Variants in POPDC1 observed in about 807,000 individuals in gnomAD.
POPDC1 encodes the protein popeye domain-containing protein 1.
At chr6:105,115,970 T>C in the POPDC1 span, 2 of 614,682 alleles carry the variant, frequency 3.3e-6, no homozygotes, top group South Asian at 4.2e-5. Context: ...CCAATAAACA[T>C]AAGCTATGAT....
the POPDC1 span, among the ~76,000 whole-genome samples, chr6:105,118,750 TA>T: frequency 6.6e-6 from 1 of 152,188 alleles, no homozygotes; most frequent in East Asian, 1.9e-4. Context: ...GGTGCTTTCA[TA>T]TCTATCATGT....
the POPDC1 span, among the ~76,000 whole-genome samples, chr6:105,105,754 C>CTGAT: frequency 2.0e-5 from 3 of 152,038 alleles, no homozygotes; most frequent in African/African-American, 7.2e-5. Context: ...ATTTTACGTA[C>CTGAT]TGATAGATAT....
At chr6:105,116,851 A>G in the POPDC1 span, 4 of 1,612,318 alleles carry the variant, frequency 2.5e-6, 1 homozygote, top group South Asian at 4.4e-5. Context: ...TGCAGTTATC[A>G]TCTGCAATAA....
At chr6:105,133,634 G>GT in the POPDC1 span, 5 of 1,378,342 alleles carry the variant, frequency 3.6e-6, no homozygotes, top group African/African-American at 7.2e-5. Flanking sequence ...AATGGCAATT[G>GT]TATCTTTTTA....
At chr6:105,106,359 C>A in the POPDC1 span, among the ~76,000 whole-genome samples, 1 of 152,210 alleles carries the variant, frequency 6.6e-6, no homozygotes, top group African/African-American at 2.4e-5. Context: ...GTGTCTGCCA[C>A]ACTCGCAGTA....
the POPDC1 span, among the ~76,000 whole-genome samples, chr6:105,116,378 G>A: frequency 6.6e-6 from 1 of 152,122 alleles, no homozygotes; most frequent in Non-Finnish European, 1.5e-5. Flanking sequence ...GCCTTTCTCT[G>A]TCTGCAAACC....
the POPDC1 span, among the ~76,000 whole-genome samples, chr6:105,103,526 G>A: frequency 6.6e-6 from 1 of 151,618 alleles, no homozygotes; most frequent in Non-Finnish European, 1.5e-5. Context: ...AGTTATCATT[G>A]GGTCTCATAA....
the POPDC1 span, among the ~76,000 whole-genome samples, chr6:105,102,595 G>A: frequency 6.6e-6 from 1 of 152,174 alleles, no homozygotes; most frequent in East Asian, 1.9e-4. Flanking sequence ...TCTGCAACCT[G>A]CACTCAATTA....
At chr6:105,133,455 A>T in the POPDC1 span, 5 of 1,613,794 alleles carry the variant, frequency 3.1e-6, no homozygotes, top group East Asian at 2.2e-5. Flanking sequence ...AAACCAGATG[A>T]TGTATCTCTC....
At chr6:105,112,161 C>T in the POPDC1 span, among the ~76,000 whole-genome samples, 5 of 152,144 alleles carry the variant, frequency 3.3e-5, no homozygotes, top group Non-Finnish European at 7.3e-5. Context: ...ATAAGATCTC[C>T]AGGTGATTCA....
At chr6:105,135,406 G>T in the POPDC1 span, among the ~76,000 whole-genome samples, 4 of 152,178 alleles carry the variant, frequency 2.6e-5, no homozygotes, top group South Asian at 6.2e-4. Context: ...CTGCTCCTCG[G>T]GTCTGTTTCT....
chr6:105,108,665 AAAG>A, the POPDC1 span, among the ~76,000 whole-genome samples: 2 of 152,240 alleles, frequency 1.3e-5, no homozygotes, highest in East Asian at 1.9e-4. Flanking sequence ...GTTGTATATG[AAAG>A]AAGAATCCAC....
chr6:105,119,820 A>T, the POPDC1 span, among the ~76,000 whole-genome samples: 3,624 of 152,374 alleles, frequency 0.024, 136 homozygotes, highest in African/African-American at 0.084. Flanking sequence ...TTTTACAATG[A>T]CACTGTAATT....
At chr6:105,108,218 A>C in the POPDC1 span, among the ~76,000 whole-genome samples, 73 of 152,252 alleles carry the variant, frequency 4.8e-4, no homozygotes, top group African/African-American at 1.7e-3. Flanking sequence ...GGTAGAGGAG[A>C]AGGTGAATGA....
At chr6:105,116,085 T>TTA in the POPDC1 span, among the ~76,000 whole-genome samples, 1 of 152,208 alleles carries the variant, frequency 6.6e-6, no homozygotes, top group African/African-American at 2.4e-5. Flanking sequence ...ACCAGCTTAA[T>TTA]TTGATAAACA....
chr6:105,108,644 A>G, the POPDC1 span, among the ~76,000 whole-genome samples: 18 of 152,362 alleles, frequency 1.2e-4, no homozygotes, highest in African/African-American at 4.1e-4. Context: ...AAACCGTGGC[A>G]TGATTTTCAT....
the POPDC1 span, among the ~76,000 whole-genome samples, chr6:105,108,939 G>A: frequency 4.6e-5 from 7 of 152,152 alleles, no homozygotes; most frequent in Non-Finnish European, 7.3e-5. Context: ...TAAGAAAGTA[G>A]GGATGCTAAT....
chr6:105,110,717 G>A, the POPDC1 span, among the ~76,000 whole-genome samples: 6,554 of 151,742 alleles, frequency 0.043, 472 homozygotes, highest in African/African-American at 0.15. Flanking sequence ...AGGGTCTCAC[G>A]CTTTCACCCA....
the POPDC1 span, among the ~76,000 whole-genome samples, chr6:105,132,339 C>T: frequency 2.6e-5 from 4 of 152,190 alleles, no homozygotes; most frequent in African/African-American, 9.6e-5. Context: ...CTTCTGTGCT[C>T]TTTGTTTGGA....
Sources: gnomAD v4.1 joint callset for allele counts (sites outside exome capture counted in the v4.1 genomes callset) on GRCh38, gnomAD v4.1.1 for gene constraint, MANE v1.5 for transcripts, NCBI Gene and HGNC (gene_info 2026-07-23, HGNC 2026-07-21) for gene names.